CIB4: variants seen among roughly 807,000 people sequenced by gnomAD.
CIB4 encodes the protein calcium and integrin-binding family member 4.
In CIB4, 25 loss-of-function variants were observed where a neutral mutation model predicts 25.8. The ratio of observed to expected loss-of-function variants is 0.97; its 90% CI spans 0.71 to 1.35. The LOEUF (loss-of-function observed/expected upper bound fraction) is 1.35, where lower values mean the gene tolerates loss of function less well. Ranked by LOEUF, CIB4 falls within the 40% of genes most tolerant of loss-of-function variation. The pLI is 0.00. For missense variants in CIB4, 235 were observed against 228.2 expected (o/e 1.03, Z -0.19); for synonymous variants, 75 against 81.4 (o/e 0.92, Z 0.42).
chr2:26,638,113 G>A (rs1669567871), intron 2 of CIB4, among the ~76,000 whole-genome samples: 1 of 152,218 alleles, frequency 6.6e-6, no homozygotes, highest in East Asian at 1.9e-4. Context: ...TCTCTCAAGA[G>A]AAGGGGCAGG....
At chr2:26,632,158 T>C (rs1669432024) in intron 2 of CIB4, among the ~76,000 whole-genome samples, 1 of 152,186 alleles carries the variant, frequency 6.6e-6, no homozygotes, top group Non-Finnish European at 1.5e-5. Flanking sequence ...CCTGACTCTG[T>C]CTGATGGAGA....
chr2:26,639,436 A>C (rs1159513642), intron 2 of CIB4, among the ~76,000 whole-genome samples: 2 of 150,736 alleles, frequency 1.3e-5, no homozygotes, highest in African/African-American at 2.5e-5. Context: ...TATGACTGAG[A>C]ACCATTATTT....
intron 4 of CIB4, 118 bp downstream of exon 4, chr2:26,595,058 G>A (rs1668653894): frequency 6.2e-6 from 6 of 975,388 alleles, no homozygotes; most frequent in Non-Finnish European, 9.2e-6. Flanking sequence ...CAGACCCACA[G>A]ATACCCAAGC....
chr2:26,611,182 T>C (rs1209471895), intron 3 of CIB4, among the ~76,000 whole-genome samples: 2 of 152,180 alleles, frequency 1.3e-5, no homozygotes, highest in Non-Finnish European at 2.9e-5. Context: ...GGAGGAGACT[T>C]GGGGCTAGGA....
In CIB4 at chr2:26,581,271, G is replaced by C. The variant is rs1041768176; in HGVS notation, c.*92C>G. The stretch of plus-strand genomic sequence containing the variant: ...GAGGTGAGTGTGGGCCCAGTACAAA[G>C]TCATACTTCAAACCAGCTCCCTCCA... On this transcript the variant is annotated 3_prime_UTR_variant, in exon 7 of 7. Transcript: ENST00000288861. The C allele has an allele frequency of 6.7e-6, 7 of 1,040,848 alleles. No individual in the cohort carries two copies. The African/African-American group carries it at 9.3e-5, about 14-fold the overall frequency. The allele number at this position is 1,040,848 out of a possible 1,614,324, so 64.5% of individuals were successfully genotyped here. A position where few individuals can be genotyped will look rare whatever the true frequency, so the allele number is the denominator to read the frequency against.
At position 26,583,939 on chromosome 2, in the gene CIB4, G is replaced by A. The variant is rs115467120; in HGVS notation, c.329-41C>T. 314 of 1,314,822 alleles carry A rather than the reference G, an allele frequency of 2.4e-4. 1 individual carries two copies. The African/African-American group carries it at 4.3e-3, about 18-fold the overall frequency. The allele number at this position is 1,314,822 out of a possible 1,614,324, so 81.4% of individuals were successfully genotyped here. ...CAGGCCTGCATTAGACGGAGCTGGG[G>A]GCTAAACAGGAAGAGGACTTGAGGA... On this transcript the variant is annotated intron_variant, in intron 4 of 6. Transcript: ENST00000288861.
chr2:26,593,421 CAT>C (rs1315273992), intron 4 of CIB4, among the ~76,000 whole-genome samples: 5 of 149,452 alleles, frequency 3.3e-5, no homozygotes, highest in South Asian at 2.1e-4. Flanking sequence ...TATACACACA[CAT>C]ATATATACAC....
rs10665609 is a variant in CIB4, at chr2:26,617,147, T to TGTGTGTGTGTGTGCGCGC, written c.186+12262_186+12263insGCGCGCACACACACACAC. 3.3e-3 allele frequency among the ~76,000 whole-genome samples: 491 copies of TGTGTGTGTGTGTGCGCGC among 150,512 alleles called. 3 individuals are homozygous for TGTGTGTGTGTGTGCGCGC. The highest frequency in any genetic ancestry group is 0.016 in the Admixed American group (241 of 15,068). ...GTGTGTGTGTGTGTGTGTGTGTGTG[T>TGTGTGTGTGTGTGCGCGC]GCACGTGAGCGTGGGTGGGCATGAT... On this transcript the variant is annotated intron_variant, in intron 3 of 6. Coordinates refer to ENST00000288861, the MANE Select transcript of CIB4 (RefSeq NM_001029881.3).
intron 3 of CIB4, among the ~76,000 whole-genome samples, chr2:26,611,859 G>C (rs1409022239): frequency 6.6e-6 from 1 of 152,102 alleles, no homozygotes; most frequent in Non-Finnish European, 1.5e-5. Flanking sequence ...TAATGGAAAA[G>C]AGCACAGAAT....
chr2:26,611,770 A>G (rs749980398), intron 3 of CIB4, among the ~76,000 whole-genome samples: 4 of 152,244 alleles, frequency 2.6e-5, no homozygotes, highest in African/African-American at 4.8e-5. Flanking sequence ...GGTTTAGTAA[A>G]TCAGAACTCA....
chr2:26,588,978 TTTCTTC>T lies in CIB4; in HGVS notation c.329-5086_329-5081del, dbSNP rs879474454. Among the ~76,000 whole-genome samples the T allele has an allele frequency of 1.5e-3, 103 of 69,916 alleles. 6 individuals are homozygous for T. The highest frequency in any genetic ancestry group is 3.8e-3 in the Admixed American group (25 of 6,640). The allele number at this position is 69,916 out of a possible 152,430, so 45.9% of individuals were successfully genotyped here. ...CTGCTGCCGCTGCTGCCGCTTCTTC[TTTCTTC>T]TTCTTCTTCTTCTTCTTCTTCTTCT... On this transcript the variant is annotated intron_variant, in intron 4 of 6. Coordinates refer to ENST00000288861, the MANE Select transcript of CIB4 (RefSeq NM_001029881.3).
rs761050636 is a variant in CIB4, at chr2:26,627,157, C to G, written c.186+2253G>C. On this transcript the variant is annotated intron_variant, in intron 3 of 6. Transcript: ENST00000288861. This position sits in a 1 kb window ranked among gnomAD's most constrained non-coding sequence, Gnocchi z 4.0. ...CACCCTCTATGCCACCCCTCCAGTTCGGCTCCCCTTGGGCCCTCTGTGGCA... is the reference window on the plus strand; with the variant it reads ...CACCCTCTATGCCACCCCTCCAGTTGGGCTCCCCTTGGGCCCTCTGTGGCA... Among the ~76,000 whole-genome samples the G allele has an allele frequency of 3.9e-5, 6 of 152,222 alleles. No individual in the cohort carries two copies. In the South Asian group the frequency reaches 1.0e-3, roughly 26 times the overall value.
At chr2:26,638,722 G>T (rs966284083) in intron 2 of CIB4, among the ~76,000 whole-genome samples, 2 of 152,226 alleles carry the variant, frequency 1.3e-5, no homozygotes, top group Admixed American at 6.5e-5. Flanking sequence ...GGATGCCAAG[G>T]TGGGAGGATC....
intron 4 of CIB4, among the ~76,000 whole-genome samples, chr2:26,590,802 T>C (rs1384953247): frequency 6.6e-6 from 1 of 152,188 alleles, no homozygotes; most frequent in Admixed American, 6.5e-5. Flanking sequence ...ATGAAGGCTT[T>C]GAACTTTTTG....
At position 26,595,756 on chromosome 2, in the gene CIB4, C is replaced by A. The variant is rs1267508059; in HGVS notation, c.187-439G>T. Reference sequence around the variant, plus strand: ...CAAGCCAACAGGCTCACTGCCCAAGCGCATAGCCAGCCAGGGAATGAGATA... The same window carrying A: ...CAAGCCAACAGGCTCACTGCCCAAGAGCATAGCCAGCCAGGGAATGAGATA... On this transcript the variant is annotated intron_variant, in intron 3 of 6. Transcript: ENST00000288861. Among the ~76,000 whole-genome samples, 4 of 152,250 alleles carry A rather than the reference C, an allele frequency of 2.6e-5. No individual in the cohort carries two copies. In the South Asian group the frequency reaches 8.3e-4, roughly 32 times the overall value.
chr2:26,619,912 T>C (rs1353610299), intron 3 of CIB4, among the ~76,000 whole-genome samples: 89 of 145,170 alleles, frequency 6.1e-4, no homozygotes, highest in Admixed American at 6.1e-3. Flanking sequence ...ACCACCCCGA[T>C]CTCCATCCCG....
intron 2 of CIB4, 79 bp from the exon 3 acceptor site, chr2:26,629,585 GC>G (rs1337447220): frequency 1.1e-6 from 1 of 947,590 alleles, no homozygotes. Flanking sequence ...AGGCCAGCAA[GC>G]CTGTCTCCTG....
At chr2:26,619,613 G>C (rs1231104821) in intron 3 of CIB4, among the ~76,000 whole-genome samples, 1 of 152,176 alleles carries the variant, frequency 6.6e-6, no homozygotes, top group Non-Finnish European at 1.5e-5. Context: ...AAAACATAGA[G>C]ACCTGACAGG....
intron 3 of CIB4, among the ~76,000 whole-genome samples, chr2:26,625,750 T>C (rs905515040): frequency 2.6e-5 from 4 of 152,272 alleles, no homozygotes; most frequent in African/African-American, 7.2e-5. Flanking sequence ...TAGATCCCAT[T>C]TGTCAATTTT....
Sources: gnomAD v4.1 joint callset for allele counts (sites outside exome capture counted in the v4.1 genomes callset) on GRCh38, gnomAD v4.1.1 for gene constraint, Gnocchi (gnomAD v3.1) non-coding constraint, MANE v1.5 for transcripts, NCBI Gene and HGNC (gene_info 2026-07-23, HGNC 2026-07-21) for gene names.